The following AADAT variants were observed in gnomAD, a reference collection of about 807,000 sequenced individuals.
AADAT encodes aminoadipate aminotransferase, also known as kynurenine/alpha-aminoadipate aminotransferase, mitochondrial.
A neutral mutation model predicts 56.2 loss-of-function variants in AADAT; 25 were observed. The observed-to-expected ratio is 0.44, with a 90% CI of 0.32 to 0.62. AADAT has a LOEUF of 0.62. AADAT is among the 20% of genes least tolerant of loss of function. The pLI is 0.04. For synonymous variants in AADAT, 173 were observed against 164.7 expected (o/e 1.05, Z -0.39); for missense variants, 387 against 510.5 (o/e 0.76, Z 2.33).
intron 6 of AADAT, among the ~76,000 whole-genome samples, chr4:170,069,844 T>C (rs569961847): frequency 1.3e-4 from 20 of 152,238 alleles, no homozygotes; most frequent in Middle Eastern, 6.8e-3. Context: ...CTCTTCCCAG[T>C]ATATTTAAGG....
At chr4:170,065,227 C>T (rs974694795) in intron 10 of AADAT, among the ~76,000 whole-genome samples, 4 of 152,154 alleles carry the variant, frequency 2.6e-5, no homozygotes, top group Non-Finnish European at 4.4e-5. Context: ...TACAACAAAT[C>T]CTAGTATTCT....
upstream of AADAT, among the ~76,000 whole-genome samples, chr4:170,092,255 A>G (rs998729626): frequency 6.6e-6 from 1 of 152,246 alleles, no homozygotes; most frequent in East Asian, 1.9e-4. Context: ...CTTTGGGTCC[A>G]CATTGCTTTT....
chr4:170,070,190 GCCA>G (rs1395710864), intron 6 of AADAT, among the ~76,000 whole-genome samples: 1 of 151,606 alleles, frequency 6.6e-6, no homozygotes, highest in Non-Finnish European at 1.5e-5. Flanking sequence ...ATTCTAATCG[GCCA>G]CCACCAAGAC....
chr4:170,067,459 A>G (rs1731526778), intron 8 of AADAT, 71 bp from the exon 9 acceptor site: 1 of 1,254,820 alleles, frequency 8.0e-7, no homozygotes, highest in African/African-American at 1.5e-5. Context: ...ATATAAAAGC[A>G]ACTCACTTTT....
At chr4:170,073,623 C>T (rs897398652) in intron 4 of AADAT, among the ~76,000 whole-genome samples, 3 of 151,784 alleles carry the variant, frequency 2.0e-5, no homozygotes, top group Non-Finnish European at 2.9e-5. Context: ...TTTAGCCTCC[C>T]GAGTAGCTGG....
Position 170,089,779 on chromosome 4 carries a change from C to G in AADAT, c.-89G>C. 7.3e-7 allele frequency: 1 copy of G among 1,372,648 alleles called. No homozygotes were observed. Among genetic ancestry groups the G allele is most frequent in the Non-Finnish European group, 1.0e-6 (1 of 979,346 alleles). The allele number at this position is 1,372,648 out of a possible 1,614,324, so 85.0% of individuals were successfully genotyped here. ...CCTCGTCAAGTCCTGCCTGCTAACT[C>G]CTCACTCTGGCAACGCCACCGCGAG... is the stretch of plus-strand genomic sequence containing the variant. On this transcript the variant is annotated 5_prime_UTR_variant, in exon 1 of 13. Transcript: ENST00000337664.
intron 3 of AADAT, among the ~76,000 whole-genome samples, chr4:170,083,765 G>T (rs1732425139): frequency 6.6e-6 from 1 of 152,080 alleles, no homozygotes; most frequent in African/African-American, 2.4e-5. Flanking sequence ...AGAGAAAGGG[G>T]AACCTTTATA....
At chr4:170,086,317 G>A (rs115938759) in intron 3 of AADAT, among the ~76,000 whole-genome samples, 4,152 of 152,078 alleles carry the variant, frequency 0.027, 190 homozygotes, top group African/African-American at 0.09. Context: ...CTTTATTGTG[G>A]CAACTAACCA....
chr4:170,078,388 G>A (rs1314537144), intron 4 of AADAT, 121 bp downstream of exon 4: 12 of 546,744 alleles, frequency 2.2e-5, no homozygotes, highest in Non-Finnish European at 3.4e-5. Context: ...TCTGTGGACA[G>A]ATTATTTTAA....
At chr4:170,086,772 G>A (rs1457706980) in intron 3 of AADAT, among the ~76,000 whole-genome samples, 1 of 152,136 alleles carries the variant, frequency 6.6e-6, no homozygotes, top group Non-Finnish European at 1.5e-5. Context: ...ATTTAAGAAA[G>A]ATTAGGCTAG....
chr4:170,067,464 A>G (rs971666875), intron 8 of AADAT, 76 bp from the exon 9 acceptor site: 2 of 1,116,140 alleles, frequency 1.8e-6, no homozygotes, highest in Non-Finnish European at 2.7e-6. Flanking sequence ...AAAGCAACTC[A>G]CTTTTGATTA....
chr4:170,091,201 G>C (rs1399392566), upstream of AADAT, among the ~76,000 whole-genome samples: 1 of 152,176 alleles, frequency 6.6e-6, no homozygotes, highest in Non-Finnish European at 1.5e-5. Context: ...GGCCGGAGCC[G>C]GCTCCCTCAG....
intron 4 of AADAT, among the ~76,000 whole-genome samples, chr4:170,077,933 T>C (rs1732115233): frequency 1.3e-5 from 2 of 152,184 alleles, no homozygotes; most frequent in African/African-American, 4.8e-5. Flanking sequence ...TCTGACTATC[T>C]TTCTCTGAGT....
intron 4 of AADAT, among the ~76,000 whole-genome samples, chr4:170,078,008 A>T (rs1732119167): frequency 6.6e-6 from 1 of 152,176 alleles, no homozygotes; most frequent in Non-Finnish European, 1.5e-5. Context: ...ATGCTCAGCA[A>T]TGTGCTCTGA....
chr4:170,066,552 G>T, intron 9 of AADAT, 74 bp from the exon 10 acceptor site: 2 of 1,072,134 alleles, frequency 1.9e-6, no homozygotes, highest in South Asian at 1.3e-5. Flanking sequence ...CCAGAGTCCA[G>T]GCTATAAGAA....
Position 170,064,704 on chromosome 4 carries a change from A to ACCT in AADAT, c.1134+12_1134+14dup, listed in dbSNP as rs201368750. On this transcript the variant is annotated intron_variant, in intron 11 of 12. Transcript: ENST00000337664. ...TTTTCCTTAGGTTTCCCAGCCCTTC[A>ACCT]CCTCCCAGTTTTACCCCCATCTTAA... 0.084 allele frequency: 131,874 copies of ACCT among 1,575,580 alleles called. 6,211 individuals are homozygous for ACCT. Among genetic ancestry groups the ACCT allele is most frequent in the Non-Finnish European group, 0.095 (110,075 of 1,161,644 alleles).
intron 3 of AADAT, among the ~76,000 whole-genome samples, chr4:170,083,698 C>A (rs1343519425): frequency 6.6e-6 from 1 of 152,098 alleles, no homozygotes; most frequent in Admixed American, 6.6e-5. Flanking sequence ...TATTACCTAA[C>A]CATATTCAAA....
At chr4:170,067,574 T>A (rs1168822135) in intron 8 of AADAT, among the ~76,000 whole-genome samples, 186 bp from the exon 9 acceptor site, 1 of 152,192 alleles carries the variant, frequency 6.6e-6, no homozygotes, top group Non-Finnish European at 1.5e-5. Context: ...CTAGTAAAAA[T>A]AACAAATATT....
At chr4:170,077,245 G>A (rs532211527) in intron 4 of AADAT, among the ~76,000 whole-genome samples, 20 of 152,090 alleles carry the variant, frequency 1.3e-4, no homozygotes, top group Non-Finnish European at 2.2e-4. Flanking sequence ...TTGGCATATC[G>A]ATAGGGATTG....
Sources: gnomAD v4.1 joint callset for allele counts (sites outside exome capture counted in the v4.1 genomes callset) on GRCh38, gnomAD v4.1.1 for gene constraint, MANE v1.5 for transcripts, NCBI Gene and HGNC (gene_info 2026-07-23, HGNC 2026-07-21) for gene names.